The following NLGN1 variants were observed in gnomAD, a reference collection of about 807,000 sequenced individuals.
NLGN1 encodes the protein neuroligin-1.
Under a neutral mutation model 65.5 loss-of-function variants are expected in NLGN1, and 12 were observed. The observed-to-expected ratio is 0.18, with a 90% CI of 0.12 to 0.30. NLGN1 has a LOEUF of 0.30. Among genes scored for constraint, NLGN1 ranks in the 10% least tolerant of loss-of-function variants. NLGN1 has a pLI of 1.00. For synonymous variants in NLGN1, 350 were observed against 359.5 expected, an observed-to-expected ratio of 0.97 and a Z score of 0.30; for missense variants, 750 against 1,007.1, an observed-to-expected ratio of 0.74 and a Z score of 3.46.
intron 4 of NLGN1, among the ~76,000 whole-genome samples, chr3:174,170,220 GAA>G (rs796666460): frequency 5.8e-5 from 8 of 138,670 alleles, no homozygotes; most frequent in African/African-American, 2.1e-4. Flanking sequence ...TATCATCTTT[GAA>G]AAAAAAAAAA....
chr3:173,587,487 T>C (rs1560008423), intron 2 of NLGN1, among the ~76,000 whole-genome samples: 2 of 152,188 alleles, frequency 1.3e-5, no homozygotes, highest in Non-Finnish European at 1.5e-5. Context: ...GTTAGATAAA[T>C]GCTCTCCCTA....
At position 173,688,477 on chromosome 3, in the gene NLGN1, C is replaced by T. The variant is rs116272988; in HGVS notation, c.493+83386C>T. ...TGCTGTGTGCTTGGGCAGTGGAGAG[C>T]GACTAAAAAGGTCATTCACATTTTC... is the stretch of plus-strand genomic sequence containing the variant. On this transcript the variant is annotated intron_variant, in intron 3 of 6. Coordinates refer to ENST00000457714, the Ensembl canonical transcript of NLGN1. 6.5e-3 allele frequency among the ~76,000 whole-genome samples: 993 copies of T among 152,194 alleles called. 14 individuals carry two copies. Among genetic ancestry groups the T allele is most frequent in the African/African-American group, 0.023 (941 of 41,526 alleles).
intron 2 of NLGN1, among the ~76,000 whole-genome samples, chr3:173,517,294 C>A (rs1306327391): frequency 6.6e-6 from 1 of 151,934 alleles, no homozygotes; most frequent in Non-Finnish European, 1.5e-5. Context: ...GAATTAGTTG[C>A]AGAACAAAGA....
intron 4 of NLGN1, among the ~76,000 whole-genome samples, chr3:174,152,140 C>T (rs1277416254): frequency 7.2e-6 from 1 of 139,520 alleles, no homozygotes; most frequent in Non-Finnish European, 1.5e-5. Flanking sequence ...AAATAAAAAT[C>T]ATTAACTAAA....
At chr3:174,244,602 A>G (rs577802222) in intron 4 of NLGN1, among the ~76,000 whole-genome samples, 12 of 152,326 alleles carry the variant, frequency 7.9e-5, no homozygotes, top group South Asian at 2.1e-4. Flanking sequence ...ATAATTTTTA[A>G]AAGGAGATGA....
chr3:173,832,953 T>C (rs1206965755), intron 4 of NLGN1, among the ~76,000 whole-genome samples: 1 of 152,332 alleles, frequency 6.6e-6, no homozygotes, highest in East Asian at 1.9e-4. Context: ...CCCAGAAACT[T>C]TCTATTTCAC....
intron 3 of NLGN1, among the ~76,000 whole-genome samples, chr3:173,688,850 C>A (rs1450779908): frequency 1.3e-5 from 2 of 152,150 alleles, no homozygotes; most frequent in Admixed American, 1.3e-4. Context: ...CTCCAATTTT[C>A]TTTTCTTTCA....
At position 173,647,425 on chromosome 3, in the gene NLGN1, A is replaced by G. The variant is rs182819821; in HGVS notation, c.493+42334A>G. 2.6e-5 allele frequency among the ~76,000 whole-genome samples: 4 copies of G among 152,242 alleles called. No homozygotes were observed. In the East Asian group the frequency reaches 7.7e-4, roughly 29 times the overall value. On this transcript the variant is annotated intron_variant, in intron 3 of 6. Transcript: ENST00000457714. The stretch of plus-strand genomic sequence containing the variant: ...TCAAGCATGCACAGAACTTTTACCA[A>G]GATAAGCAATATTCTGGATCACAAA...
intron 2 of NLGN1, among the ~76,000 whole-genome samples, chr3:173,481,206 A>C (rs183160008): frequency 4.6e-5 from 7 of 152,160 alleles, no homozygotes; most frequent in Admixed American, 4.6e-4. Context: ...ACAGGGTTAA[A>C]GGTTTTTGTC....
intron 3 of NLGN1, among the ~76,000 whole-genome samples, chr3:173,776,011 A>G (rs1217061281): frequency 1.3e-5 from 2 of 152,086 alleles, no homozygotes; most frequent in Non-Finnish European, 2.9e-5. Context: ...ACTTTCTACT[A>G]TCAACATTAG....
intron 2 of NLGN1, among the ~76,000 whole-genome samples, chr3:173,539,395 ATATATATGTTATATAT>A (rs1426688129): frequency 4.1e-5 from 6 of 144,698 alleles, no homozygotes; most frequent in South Asian, 4.2e-4. Context: ...TATAAAAAAC[ATATATATGTTATATAT>A]TATATATGTT....
At chr3:173,539,609 T>C (rs574423667) in intron 2 of NLGN1, among the ~76,000 whole-genome samples, 3 of 87,548 alleles carry the variant, frequency 3.4e-5, no homozygotes, top group African/African-American at 1.2e-4. Flanking sequence ...TATATGTATG[T>C]TATATATTAT....
Position 173,772,646 on chromosome 3 carries a change from A to G in NLGN1, c.494-35034A>G, listed in dbSNP as rs79422438. Reference sequence around the variant, plus strand: ...TTAGATAACAATAAAAACATCAGCAACAAAAACTTGATATGCCCCACATTT... The same window carrying G: ...TTAGATAACAATAAAAACATCAGCAGCAAAAACTTGATATGCCCCACATTT... On this transcript the variant is annotated intron_variant, in intron 3 of 6. Transcript: ENST00000457714. Among the ~76,000 whole-genome samples, 907 of 152,230 alleles carry G rather than the reference A, an allele frequency of 6.0e-3. 3 individuals are homozygous for G. The highest frequency in any genetic ancestry group is 0.021 in the African/African-American group (860 of 41,552).
At chr3:174,084,807 A>T (rs948629178) in intron 4 of NLGN1, among the ~76,000 whole-genome samples, 51 of 152,022 alleles carry the variant, frequency 3.4e-4, no homozygotes, top group African/African-American at 1.2e-3. Flanking sequence ...TTTATATTGG[A>T]ATAATGAGCT....
intron 4 of NLGN1, among the ~76,000 whole-genome samples, chr3:174,188,280 A>G (rs1018936360): frequency 2.0e-5 from 3 of 152,000 alleles, no homozygotes; most frequent in African/African-American, 7.2e-5. Context: ...GAAATGTGAT[A>G]TGTTTGAATT....
chr3:173,449,322 G>C (rs574175096), intron 2 of NLGN1, among the ~76,000 whole-genome samples: 46 of 151,826 alleles, frequency 3.0e-4, no homozygotes, highest in Non-Finnish European at 4.4e-4. Flanking sequence ...CATTATGTAC[G>C]CAGTAGTCAT....
At chr3:173,415,496 TAG>T (rs1713496462) in intron 1 of NLGN1, among the ~76,000 whole-genome samples, 1 of 152,192 alleles carries the variant, frequency 6.6e-6, no homozygotes, top group Admixed American at 6.5e-5. Flanking sequence ...TTGGATGATG[TAG>T]ATATAAGTTG....
At chr3:173,958,095 C>G (rs148823019) in intron 4 of NLGN1, among the ~76,000 whole-genome samples, 35 of 152,312 alleles carry the variant, frequency 2.3e-4, no homozygotes, top group African/African-American at 8.2e-4. Context: ...CAAGGTGTCA[C>G]AGCCCTGGCT....
intron 3 of NLGN1, among the ~76,000 whole-genome samples, chr3:173,741,737 A>C (rs7611382): frequency 0.68 from 103,689 of 151,862 alleles, 35,701 homozygotes; most frequent in East Asian, 0.85. Flanking sequence ...AGGTGATCCA[A>C]CCTCCTTGGC....
Sources: allele counts gnomAD v4.1 joint callset (sites outside exome capture counted in the v4.1 genomes callset), GRCh38; gene constraint gnomAD v4.1.1; transcripts MANE v1.5; gene names NCBI Gene and HGNC (gene_info 2026-07-23, HGNC 2026-07-21).